Variants in SPTLC1 observed in about 807,000 individuals in gnomAD.
The protein encoded by SPTLC1 is serine palmitoyltransferase 1.
In SPTLC1, 55 loss-of-function variants were observed where a neutral mutation model predicts 68.9. That is an observed-to-expected ratio of 0.80 (90% confidence interval 0.64 to 1.00). The LOEUF is 1.00. Among genes scored for constraint, SPTLC1 ranks in the 50% least tolerant of loss-of-function variants. The probability of loss-of-function intolerance (pLI) is 0.00; values close to 1 mark genes in which losing one functional copy is unlikely to be tolerated. For missense variants in SPTLC1, 449 were observed against 573.1 expected, an observed-to-expected ratio of 0.78 and a Z score of 2.21; for synonymous variants, 197 against 201.6, an observed-to-expected ratio of 0.98 and a Z score of 0.19.
At chr9:92,064,532 A>T (rs1476489638) in intron 6 of SPTLC1, among the ~76,000 whole-genome samples, 1 of 152,260 alleles carries the variant, frequency 6.6e-6, no homozygotes, top group African/African-American at 2.4e-5. Flanking sequence ...TGGTATAGAC[A>T]CTTTGGAAAA....
intron 12 of SPTLC1, among the ~76,000 whole-genome samples, chr9:92,042,703 T>C (rs1369082692): frequency 6.6e-6 from 1 of 152,196 alleles, no homozygotes; most frequent in Non-Finnish European, 1.5e-5. Context: ...CTAGCAATAA[T>C]TTTGGAGAAA....
At chr9:92,082,026 G>A (rs1834903122) in intron 3 of SPTLC1, among the ~76,000 whole-genome samples, 1 of 152,150 alleles carries the variant, frequency 6.6e-6, no homozygotes, top group African/African-American at 2.4e-5. Flanking sequence ...TATAGAGTCT[G>A]TCAGAGAGAT....
At position 92,115,328 on chromosome 9, in the gene SPTLC1, G is replaced by A. The variant is rs763245517; in HGVS notation, c.43C>T (p.Gln15Ter). Residue 15 changes from glutamine to a stop codon, truncating the protein, a stop_gained, in exon 1 of 15, where the codon CAG (glutamine) becomes TAG (stop). Coordinates refer to ENST00000262554, the MANE Select transcript of SPTLC1 (RefSeq NM_006415.4). LOFTEE classifies it high-confidence loss of function. ...GCGGAGCCCACCTCGTAAAGCGCCT[G>A]TACCATCTCCACCAGAACCCACTGC... ...TEQWVLVEMV[Q>*]ALYEAPAYHL... The A allele has an allele frequency of 1.2e-6, 2 of 1,612,408 alleles. No individual in the cohort carries two copies. Among genetic ancestry groups the A allele is most frequent in the Non-Finnish European group, 1.7e-6 (2 of 1,179,996 alleles).
chr9:92,072,783 C>T (rs1834545417), intron 5 of SPTLC1, among the ~76,000 whole-genome samples: 1 of 152,082 alleles, frequency 6.6e-6, no homozygotes, highest in South Asian at 2.1e-4. Context: ...GCAAAATGGG[C>T]AAATGGTCTG....
At chr9:92,082,647 C>T (rs1587957131) in intron 3 of SPTLC1, among the ~76,000 whole-genome samples, 1 of 152,174 alleles carries the variant, frequency 6.6e-6, no homozygotes, top group Middle Eastern at 3.4e-3. Context: ...CATTGTCGGA[C>T]ATTTGGGTTG....
intron 5 of SPTLC1, among the ~76,000 whole-genome samples, chr9:92,073,946 T>C (rs144001337): frequency 4.2e-4 from 64 of 152,280 alleles, no homozygotes; most frequent in Middle Eastern, 3.4e-3. Flanking sequence ...CGGCCCGGGA[T>C]TCCTTCTAAG....
At chr9:92,105,444 G>A (rs1187323544) in intron 3 of SPTLC1, 14 of 1,336,260 alleles carry the variant, frequency 1.0e-5, no homozygotes, top group African/African-American at 1.5e-5. Flanking sequence ...GGTGGCCCAC[G>A]CCTGTAATCC....
intron 5 of SPTLC1, among the ~76,000 whole-genome samples, chr9:92,070,861 G>C (rs1834455433): frequency 6.6e-6 from 1 of 152,118 alleles, no homozygotes; most frequent in South Asian, 2.1e-4. Flanking sequence ...GCAAAAACCT[G>C]GTCACACTTA....
chr9:92,075,778 A>C (rs966727561), intron 5 of SPTLC1, among the ~76,000 whole-genome samples: 2 of 151,668 alleles, frequency 1.3e-5, no homozygotes, highest in Non-Finnish European at 2.9e-5. Context: ...AGCTCTATTC[A>C]CTCTTTATTG....
chr9:92,082,736 C>G (rs1202410806), intron 3 of SPTLC1, among the ~76,000 whole-genome samples: 27 of 152,008 alleles, frequency 1.8e-4, no homozygotes, highest in African/African-American at 5.6e-4. Context: ...ATGATTTATA[C>G]TCATTTGGGT....
At chr9:92,095,369 C>G (rs1032381724) in intron 3 of SPTLC1, among the ~76,000 whole-genome samples, 1 of 152,070 alleles carries the variant, frequency 6.6e-6, no homozygotes, top group Non-Finnish European at 1.5e-5. Flanking sequence ...TGGTTCTATA[C>G]CCCCAGAGAA....
At chr9:92,043,579 C>G (rs1833418323) in intron 12 of SPTLC1, among the ~76,000 whole-genome samples, 1 of 152,168 alleles carries the variant, frequency 6.6e-6, no homozygotes, top group South Asian at 2.1e-4. Context: ...TGAGCTCTAC[C>G]TGGAGTCTTC....
chr9:92,051,710 AT>A (rs1268783934), intron 8 of SPTLC1, among the ~76,000 whole-genome samples: 1 of 152,268 alleles, frequency 6.6e-6, no homozygotes, highest in African/African-American at 2.4e-5. Flanking sequence ...AATCTTATAC[AT>A]AGAATAAGAT....
rs1205381140 is a variant in SPTLC1 at position 92,108,484 on chromosome 9, G to A, written c.260+256C>T. 7 of 423,628 alleles carry A rather than the reference G, an allele frequency of 1.7e-5. No homozygotes were observed. The East Asian group carries it at 2.0e-4, about 12-fold the overall frequency. The allele number at this position is 423,628 out of a possible 1,614,324, so 26.2% of individuals were successfully genotyped here. ...CTGTTGCTTTTCATTTTAAGTGTTC[G>A]ACCATTGGAAATATTAACATGTGTG... On this transcript the variant is annotated intron_variant, in intron 3 of 14. Coordinates refer to ENST00000262554, the MANE Select transcript of SPTLC1 (RefSeq NM_006415.4).
chr9:92,067,151 T>C (rs1834317508), intron 6 of SPTLC1, among the ~76,000 whole-genome samples: 1 of 151,756 alleles, frequency 6.6e-6, no homozygotes, highest in South Asian at 2.1e-4. Context: ...TACAAAAAAT[T>C]AGCCAGGCAT....
At chr9:92,033,200 T>C (rs976976060) in intron 14 of SPTLC1, among the ~76,000 whole-genome samples, 1 of 152,236 alleles carries the variant, frequency 6.6e-6, no homozygotes, top group African/African-American at 2.4e-5. Context: ...AATAGCATCC[T>C]GTCCATCATG....
Position 92,032,370 on chromosome 9 carries a change from G to A in SPTLC1, c.*95C>T, listed in dbSNP as rs769349062. On this transcript the variant is annotated 3_prime_UTR_variant, in exon 15 of 15. Transcript: ENST00000262554. ...TAACAATCCTATCAAAGATCCACAT[G>A]TTCTTGCTCTCTTTCAGGCCACTCC... The A allele has an allele frequency of 3.0e-5, 48 of 1,598,928 alleles. No individual in the cohort carries two copies. Among genetic ancestry groups the A allele is most frequent in the Non-Finnish European group, 4.0e-5 (47 of 1,174,050 alleles).
intron 3 of SPTLC1, among the ~76,000 whole-genome samples, chr9:92,090,121 A>C (rs1470769271): frequency 6.6e-6 from 1 of 152,246 alleles, no homozygotes; most frequent in Non-Finnish European, 1.5e-5. Flanking sequence ...CGGATAAAGA[A>C]AGAAATACCT....
intron 3 of SPTLC1, among the ~76,000 whole-genome samples, chr9:92,101,652 A>G (rs1407200981): frequency 6.8e-6 from 1 of 147,778 alleles, no homozygotes; most frequent in Non-Finnish European, 1.5e-5. Flanking sequence ...TAAATTAAAA[A>G]GTACCACTGA....
Sources: allele counts gnomAD v4.1 joint callset (sites outside exome capture counted in the v4.1 genomes callset), GRCh38; gene constraint gnomAD v4.1.1; transcripts MANE v1.5; gene names NCBI Gene and HGNC (gene_info 2026-07-23, HGNC 2026-07-21).